Variants in SLC37A1 observed in about 807,000 individuals in gnomAD.
SLC37A1 encodes solute carrier family 37 member 1.
In SLC37A1, 49 loss-of-function variants were observed where a neutral mutation model predicts 75.3. The ratio of observed to expected loss-of-function variants is 0.65; its 90% CI spans 0.52 to 0.83. The LOEUF (loss-of-function observed/expected upper bound fraction) is 0.83, where lower values mean the gene tolerates loss of function less well. SLC37A1 is among the 40% of genes least tolerant of loss of function. The pLI, the probability that SLC37A1 is intolerant of heterozygous loss-of-function variation, is 0.00. For missense variants in SLC37A1, 566 were observed against 695.0 expected (o/e 0.81, Z 2.09); for synonymous variants, 268 against 292.1 (o/e 0.92, Z 0.84).
At chr21:42,540,135 T>A (rs2055238801) in intron 6 of SLC37A1, among the ~76,000 whole-genome samples, 3 of 152,152 alleles carry the variant, frequency 2.0e-5, no homozygotes, top group Admixed American at 2.0e-4. Flanking sequence ...TGCTGGGTGA[T>A]CAATTTAAAG....
intron 17 of SLC37A1, among the ~76,000 whole-genome samples, chr21:42,569,774 G>T (rs577873437): frequency 2.6e-5 from 4 of 152,224 alleles, no homozygotes; most frequent in Middle Eastern, 3.2e-3. Flanking sequence ...CCAGGAGGAC[G>T]GGATTTGCCT....
At chr21:42,522,361 G>A (rs765059342) in intron 2 of SLC37A1, among the ~76,000 whole-genome samples, 2 of 152,194 alleles carry the variant, frequency 1.3e-5, no homozygotes, top group Non-Finnish European at 2.9e-5. Context: ...AAAGGACTTC[G>A]GGAGGGCTGT....
Position 42,578,390 on chromosome 21 carries a change from C to T in SLC37A1, c.1522-1346C>T, listed in dbSNP as rs190869541. The stretch of plus-strand genomic sequence containing the variant: ...AACTGTCACCATTTACAGTTCATCC[C>T]GTACCCACAGATAACACTTGCTACT... On this transcript the variant is annotated intron_variant, in intron 18 of 19. Coordinates refer to ENST00000352133, the MANE Select transcript of SLC37A1 (RefSeq NM_001320537.2). 6.6e-5 allele frequency among the ~76,000 whole-genome samples: 10 copies of T among 152,334 alleles called. No individual in the cohort carries two copies. In the East Asian group the frequency reaches 1.5e-3, roughly 23 times the overall value.
At chr21:42,508,447 C>T (rs2054404912) in intron 2 of SLC37A1, among the ~76,000 whole-genome samples, 2 of 152,190 alleles carry the variant, frequency 1.3e-5, no homozygotes, top group South Asian at 2.1e-4. Flanking sequence ...TGTCTTTTTG[C>T]AGACCCCATA....
Position 42,534,842 on chromosome 21 carries a change from A to G in SLC37A1, c.271+12A>G, listed in dbSNP as rs1169252495. ...CTGGGCACCGTTTGGTAAGTCGATT[A>G]TCGGTCCGTCCAGGAGCCGAAGCGG... On this transcript the variant is annotated intron_variant, in intron 4 of 19. Transcript: ENST00000352133. 6.2e-7 allele frequency: 1 copy of G among 1,612,992 alleles called. No individual in the cohort carries two copies. The highest frequency in any genetic ancestry group is 8.5e-7 in the Non-Finnish European group (1 of 1,179,454).
chr21:42,549,237 C>T (rs1426415186), intron 9 of SLC37A1, among the ~76,000 whole-genome samples: 2 of 152,130 alleles, frequency 1.3e-5, no homozygotes, highest in African/African-American at 4.8e-5. Flanking sequence ...CACCCAGGGG[C>T]GGCCAGGCCT....
At position 42,547,149 on chromosome 21, in the gene SLC37A1, C is replaced by T. The variant is rs1295634160; in HGVS notation, c.768+9C>T. On this transcript the variant is annotated intron_variant, in intron 9 of 19. Coordinates refer to ENST00000352133, the MANE Select transcript of SLC37A1 (RefSeq NM_001320537.2). This position sits in a 1 kb window ranked among gnomAD's most constrained non-coding sequence, Gnocchi z 6.1. ...CCTCCACCCTGGTGACGGTAAGGAC[C>T]CTGTTTTCTTGTCCTTTTCTAGAAC... The T allele has an allele frequency of 2.5e-6, 4 of 1,614,148 alleles. No individual in the cohort carries two copies. Among genetic ancestry groups the T allele is most frequent in the South Asian group, 2.2e-5 (2 of 91,078 alleles).
chr21:42,528,753 C>T (rs550300892), intron 3 of SLC37A1, among the ~76,000 whole-genome samples: 7 of 152,252 alleles, frequency 4.6e-5, no homozygotes, highest in East Asian at 3.9e-4. Flanking sequence ...AGCTTGAATC[C>T]GGGAGGCGAA....
intron 5 of SLC37A1, among the ~76,000 whole-genome samples, chr21:42,537,918 G>T (rs138361637): frequency 3.1e-4 from 47 of 152,324 alleles, no homozygotes; most frequent in African/African-American, 1.1e-3. Flanking sequence ...TATGTCAGAT[G>T]AAATCAGATC....
At chr21:42,579,508 T>C (rs113741669) in intron 18 of SLC37A1, among the ~76,000 whole-genome samples, 3 of 126,172 alleles carry the variant, frequency 2.4e-5, no homozygotes, top group Admixed American at 7.7e-5. Context: ...TTCGTGGGCC[T>C]TCATCAGACA....
chr21:42,568,112 G>GT (rs1443050766), intron 16 of SLC37A1, among the ~76,000 whole-genome samples: 1 of 152,354 alleles, frequency 6.6e-6, no homozygotes, highest in East Asian at 1.9e-4. Context: ...CGGAACAAAC[G>GT]TTTTTTATTT....
At chr21:42,543,390 C>T in intron 7 of SLC37A1, 46 bp from the exon 8 acceptor site, 1 of 1,613,180 alleles carries the variant, frequency 6.2e-7, no homozygotes, top group Non-Finnish European at 8.5e-7. Context: ...GGACTCGTTT[C>T]AGCTTCTCAG....
upstream of SLC37A1, among the ~76,000 whole-genome samples, chr21:42,510,454 G>A (rs986654977): frequency 5.9e-5 from 9 of 152,170 alleles, no homozygotes; most frequent in African/African-American, 2.2e-4. Flanking sequence ...AAGATAGTAA[G>A]GGAGTAACAA....
intron 3 of SLC37A1, among the ~76,000 whole-genome samples, chr21:42,530,622 A>T (rs1601689175): frequency 1.0e-5 from 1 of 95,950 alleles, no homozygotes; most frequent in South Asian, 3.7e-4. Flanking sequence ...ACACACACAC[A>T]CACACACACA....
chr21:42,565,694 C>G (rs1243086579), intron 14 of SLC37A1, 133 bp from the exon 15 acceptor site: 1 of 771,710 alleles, frequency 1.3e-6, no homozygotes, highest in Non-Finnish European at 2.2e-6. Context: ...GGCCGTCACG[C>G]TTTTTTAGGG....
At chr21:42,508,300 T>C (rs189030882) in intron 2 of SLC37A1, among the ~76,000 whole-genome samples, 2 of 152,220 alleles carry the variant, frequency 1.3e-5, no homozygotes, top group African/African-American at 4.8e-5. Context: ...GGCTAATTTT[T>C]GTATTTTTAG....
At position 42,567,092 on chromosome 21, in the gene SLC37A1, G is replaced by A. The variant is rs1312738967; in HGVS notation, c.1344+34G>A. 2.5e-6 allele frequency: 4 copies of A among 1,603,692 alleles called. No homozygotes were observed. In the South Asian group the frequency reaches 3.3e-5, roughly 13 times the overall value. On this transcript the variant is annotated intron_variant, in intron 16 of 19. Coordinates refer to ENST00000352133, the MANE Select transcript of SLC37A1 (RefSeq NM_001320537.2). ...AACCGGGAGAGACACCAGCCCTGTG[G>A]GCACCCTGCCATGTGCCATTCATGA... is the stretch of plus-strand genomic sequence containing the variant.
At chr21:42,530,267 A>G (rs941329794) in intron 3 of SLC37A1, among the ~76,000 whole-genome samples, 6 of 152,188 alleles carry the variant, frequency 3.9e-5, no homozygotes, top group Admixed American at 2.0e-4. Context: ...ACAATGACCA[A>G]GAAGCTCCTC....
At chr21:42,515,439 A>C (rs2054506268) in intron 1 of SLC37A1, among the ~76,000 whole-genome samples, 1 of 152,206 alleles carries the variant, frequency 6.6e-6, no homozygotes, top group Admixed American at 6.5e-5. Flanking sequence ...ATGCCACCTC[A>C]GCCCTAAAAA....
Sources: gnomAD v4.1 joint callset for allele counts (sites outside exome capture counted in the v4.1 genomes callset) on GRCh38, gnomAD v4.1.1 for gene constraint, Gnocchi (gnomAD v3.1) non-coding constraint, MANE v1.5 for transcripts, NCBI Gene and HGNC (gene_info 2026-07-23, HGNC 2026-07-21) for gene names.